The following NBEA variants were observed in gnomAD, a reference collection of about 807,000 sequenced individuals.
The protein encoded by NBEA is neurobeachin.
NBEA carries 44 observed loss-of-function variants against 343.4 expected under a neutral mutation model. The ratio of observed to expected loss-of-function variants is 0.13; its 90% confidence interval spans 0.10 to 0.16. The LOEUF is 0.16. Among genes scored for constraint, NBEA ranks in the 10% least tolerant of loss-of-function variants. The pLI, the probability that NBEA is intolerant of heterozygous loss-of-function variation, is 1.00. For synonymous variants in NBEA, 1,175 were observed against 1,238.7 expected (o/e 0.95, Z 1.08); for missense variants, 2,555 against 3,631.3 (o/e 0.70, Z 7.62).
chr13:35,649,726 T>G lies in NBEA; in HGVS notation c.7842T>G (p.Phe2614Leu). The change falls in exon 52 of 59, where the codon TTT becomes TTG. Residue 2614 changes from phenylalanine to leucine, a missense_variant. Phe to Leu is a conservative substitution (Grantham distance 22, BLOSUM62 0). Coordinates refer to ENST00000379939, the MANE Select transcript of NBEA (RefSeq NM_001385012.1). ...MQQDVIMVLK[F>L]PSNSPVTHVA... ...AGGATGTGATAATGGTGCTGAAGTT[T>G]CCTTCAAATTCTCCAGTAACCCATG... 6.2e-7 allele frequency: 1 copy of G among 1,614,008 alleles called. No homozygotes were observed. The highest frequency in any genetic ancestry group is 8.5e-7 in the Non-Finnish European group (1 of 1,179,866).
intron 44 of NBEA, among the ~76,000 whole-genome samples, chr13:35,558,893 G>A (rs1324693778): frequency 1.3e-5 from 2 of 152,182 alleles, no homozygotes; most frequent in Non-Finnish European, 1.5e-5. Context: ...TAGTCTACTC[G>A]AGGAAACCTT....
chr13:35,370,555 G>A (rs929444019), intron 38 of NBEA, among the ~76,000 whole-genome samples: 13 of 151,884 alleles, frequency 8.6e-5, no homozygotes, highest in Non-Finnish European at 1.6e-4. Context: ...TGATACATGA[G>A]GACTTATTTC....
At chr13:35,158,894 G>T in intron 21 of NBEA, 122 bp from the exon 22 acceptor site, 1 of 877,802 alleles carries the variant, frequency 1.1e-6, no homozygotes, top group Non-Finnish European at 1.7e-6. Context: ...ACAAATGCCA[G>T]CTTTGAAGTC....
intron 34 of NBEA, among the ~76,000 whole-genome samples, chr13:35,247,099 C>T (rs939715047): frequency 6.6e-6 from 1 of 152,216 alleles, no homozygotes; most frequent in Admixed American, 6.5e-5. Context: ...TCACCCAGTT[C>T]CCACTCAACC....
In NBEA at chr13:35,439,670, T is replaced by C. The variant is rs139958176; in HGVS notation, c.6304+7277T>C. Among the ~76,000 whole-genome samples the C allele has an allele frequency of 6.4e-3, 968 of 152,342 alleles. 9 individuals are homozygous for C. The highest frequency in any genetic ancestry group is 0.023 in the African/African-American group (936 of 41,578). On this transcript the variant is annotated intron_variant, in intron 39 of 58. Coordinates refer to ENST00000379939, the MANE Select transcript of NBEA (RefSeq NM_001385012.1). ...GGGTGCAGCACACCAACATGGCACA[T>C]GTATACATATGTAACAAACCTGCAC... is the stretch of plus-strand genomic sequence containing the variant.
At chr13:35,266,432 C>T (rs2033683011) in intron 34 of NBEA, among the ~76,000 whole-genome samples, 1 of 151,730 alleles carries the variant, frequency 6.6e-6, no homozygotes, top group Non-Finnish European at 1.5e-5. Flanking sequence ...GATGTGTACT[C>T]AGTTTAAGTG....
At chr13:35,181,282 C>T (rs2071299683) in intron 28 of NBEA, among the ~76,000 whole-genome samples, 1 of 151,818 alleles carries the variant, frequency 6.6e-6, no homozygotes, top group Non-Finnish European at 1.5e-5. Flanking sequence ...TTTTCATTCC[C>T]ACCAGCAGTG....
chr13:35,617,883 G>A (rs2082808928), intron 48 of NBEA, among the ~76,000 whole-genome samples: 1 of 150,488 alleles, frequency 6.6e-6, no homozygotes, highest in Admixed American at 6.6e-5. Flanking sequence ...TATTTGGTGA[G>A]TATTTATGTA....
chr13:34,965,461 C>T (rs1488680063), intron 1 of NBEA, among the ~76,000 whole-genome samples: 1 of 151,758 alleles, frequency 6.6e-6, no homozygotes, highest in East Asian at 1.9e-4. Context: ...TGGAGGATTC[C>T]CCTGAGATTG....
At chr13:34,988,283 T>G (rs2060629941) in intron 1 of NBEA, among the ~76,000 whole-genome samples, 2 of 151,216 alleles carry the variant, frequency 1.3e-5, no homozygotes, top group African/African-American at 4.8e-5. Context: ...CTGTCTGTTC[T>G]CTGAGCTCAA....
At chr13:35,099,492 G>A (rs563599831) in intron 11 of NBEA, among the ~76,000 whole-genome samples, 4 of 152,106 alleles carry the variant, frequency 2.6e-5, no homozygotes, top group South Asian at 4.2e-4. Flanking sequence ...GAACCACCGC[G>A]CCTGGCCTTA....
intron 39 of NBEA, among the ~76,000 whole-genome samples, chr13:35,435,532 G>T (rs977288786): frequency 4.6e-5 from 7 of 151,874 alleles, no homozygotes; most frequent in Admixed American, 1.3e-4. Context: ...AGTGATAATG[G>T]ATATGTGCAG....
intron 36 of NBEA, among the ~76,000 whole-genome samples, chr13:35,340,894 G>A (rs2039549432): frequency 2.1e-5 from 1 of 48,596 alleles, no homozygotes; most frequent in African/African-American, 7.8e-5. Flanking sequence ...AAATGGAAAA[G>A]CTGATTCTAA....
intron 37 of NBEA, among the ~76,000 whole-genome samples, chr13:35,351,811 T>A (rs1195236738): frequency 6.6e-6 from 1 of 152,022 alleles, no homozygotes; most frequent in Non-Finnish European, 1.5e-5. Flanking sequence ...TACCTCTTAT[T>A]TTAAGTGAGA....
At position 34,977,344 on chromosome 13, in the gene NBEA, T is replaced by C. The variant is rs370175199; in HGVS notation, c.294+34230T>C. Reference sequence around the variant, plus strand: ...TTTTTTTTGAGATGGAGTCTGTCTCTGTCGCCCAGGCTGGAGTGCAAGGGT... The same window carrying C: ...TTTTTTTTGAGATGGAGTCTGTCTCCGTCGCCCAGGCTGGAGTGCAAGGGT... On this transcript the variant is annotated intron_variant, in intron 1 of 58. Transcript: ENST00000379939. 5.9e-5 allele frequency among the ~76,000 whole-genome samples: 9 copies of C among 152,100 alleles called. No homozygotes were observed. The East Asian group carries it at 7.8e-4, about 13-fold the overall frequency.
intron 34 of NBEA, among the ~76,000 whole-genome samples, chr13:35,253,970 A>G (rs1194420195): frequency 6.6e-6 from 1 of 152,176 alleles, no homozygotes; most frequent in Non-Finnish European, 1.5e-5. Context: ...ATTGCTGGGT[A>G]TTTAGTCAGG....
intron 28 of NBEA, among the ~76,000 whole-genome samples, chr13:35,181,335 AT>A (rs1359038867): frequency 6.6e-6 from 1 of 151,362 alleles, no homozygotes; most frequent in African/African-American, 2.4e-5. Flanking sequence ...AATAACTATT[AT>A]TTTTTTATTA....
At chr13:35,656,309 C>T (rs1218142689) in intron 55 of NBEA, among the ~76,000 whole-genome samples, 2 of 152,132 alleles carry the variant, frequency 1.3e-5, no homozygotes, top group Non-Finnish European at 2.9e-5. Flanking sequence ...CCACAGTGCA[C>T]CCTAAGATAT....
chr13:35,308,247 C>T (rs887715392), intron 35 of NBEA, among the ~76,000 whole-genome samples: 8 of 150,892 alleles, frequency 5.3e-5, no homozygotes, highest in Non-Finnish European at 7.4e-5. Flanking sequence ...GAACCCATGG[C>T]CAGGGCAGCT....
Sources: gnomAD v4.1 joint callset for allele counts (sites outside exome capture counted in the v4.1 genomes callset) on GRCh38, gnomAD v4.1.1 for gene constraint, MANE v1.5 for transcripts, NCBI Gene and HGNC (gene_info 2026-07-23, HGNC 2026-07-21) for gene names.